Variants in ANKRD6 observed in about 807,000 individuals in gnomAD.
ANKRD6 encodes ankyrin repeat domain 6.
In ANKRD6, 56 loss-of-function variants were observed where a neutral mutation model predicts 82.3. The ratio of observed to expected loss-of-function variants is 0.68; its 90% CI spans 0.55 to 0.85. The LOEUF is 0.85. Ranked by LOEUF, ANKRD6 falls within the 40% of genes least tolerant of loss-of-function variation. ANKRD6 has a pLI of 0.00. For synonymous variants in ANKRD6, 347 were observed against 352.1 expected, an observed-to-expected ratio of 0.99 and a Z score of 0.16; for missense variants, 852 against 907.6, an observed-to-expected ratio of 0.94 and a Z score of 0.79.
At chr6:89,447,417 C>T (rs1054284286) in intron 1 of ANKRD6, among the ~76,000 whole-genome samples, 1 of 152,186 alleles carries the variant, frequency 6.6e-6, no homozygotes, top group Admixed American at 6.5e-5. Flanking sequence ...AAGGCTCTGA[C>T]TCTATCAATT....
intron 1 of ANKRD6, among the ~76,000 whole-genome samples, chr6:89,557,545 T>C (rs1379553041): frequency 6.6e-6 from 1 of 152,152 alleles, no homozygotes; most frequent in African/African-American, 2.4e-5. Flanking sequence ...AAAGTTACTA[T>C]TGCATTTGGC....
intron 2 of ANKRD6, among the ~76,000 whole-genome samples, chr6:89,576,043 G>C (rs1273304189): frequency 1.3e-5 from 2 of 151,980 alleles, no homozygotes; most frequent in East Asian, 3.9e-4. Flanking sequence ...TTTTCCATTT[G>C]CACAACTTTC....
chr6:89,545,897 C>T lies in ANKRD6; in HGVS notation c.-143-20937C>T, dbSNP rs189561517. 7.7e-4 allele frequency among the ~76,000 whole-genome samples: 117 copies of T among 152,240 alleles called. 1 individual carries two copies. Among genetic ancestry groups the T allele is most frequent in the Admixed American group, 2.0e-3 (30 of 15,292 alleles). On this transcript the variant is annotated intron_variant, in intron 1 of 15. Coordinates refer to ENST00000339746, the MANE Select transcript of ANKRD6 (RefSeq NM_001242809.2). ...TTGGCTCACTGCAAGCTCTTCCTCT[C>T]GGGTTCACATCATTCTCCTGCCTCA...
chr6:89,561,031 G>A (rs1452445548), intron 1 of ANKRD6: 1 of 152,158 alleles, frequency 6.6e-6, no homozygotes, highest in African/African-American at 2.4e-5. Flanking sequence ...CAGTCAATAA[G>A]TTATTGTCCT....
intron 5 of ANKRD6, among the ~76,000 whole-genome samples, chr6:89,609,925 G>A (rs148196012): frequency 2.2e-3 from 334 of 152,202 alleles, no homozygotes; most frequent in African/African-American, 7.7e-3. Flanking sequence ...TTGTTTCTGT[G>A]TAAATAAAAT....
At chr6:89,539,935 A>G (rs186967964) in intron 1 of ANKRD6, among the ~76,000 whole-genome samples, 1 of 151,238 alleles carries the variant, frequency 6.6e-6, no homozygotes, top group East Asian at 1.9e-4. Flanking sequence ...TATTTTACTT[A>G]ACATGATGAT....
intron 1 of ANKRD6, among the ~76,000 whole-genome samples, chr6:89,480,116 G>T (rs1562597647): frequency 6.6e-6 from 1 of 152,228 alleles, no homozygotes; most frequent in East Asian, 1.9e-4. Flanking sequence ...TTCTGTGCTG[G>T]TTTCTCACCA....
At chr6:89,614,215 T>C (rs1445672426) in intron 7 of ANKRD6, among the ~76,000 whole-genome samples, 1 of 152,194 alleles carries the variant, frequency 6.6e-6, no homozygotes, top group Non-Finnish European at 1.5e-5. Context: ...TGTGATTTAG[T>C]AAAGAAGCAA....
intron 1 of ANKRD6, among the ~76,000 whole-genome samples, chr6:89,555,192 C>T (rs1405256730): frequency 6.7e-6 from 1 of 150,156 alleles, no homozygotes; most frequent in Non-Finnish European, 1.5e-5. Context: ...CCCGCTTGTC[C>T]TCTAAGTCTA....
intron 8 of ANKRD6, among the ~76,000 whole-genome samples, chr6:89,617,612 C>G (rs1477060346): frequency 6.6e-6 from 1 of 152,236 alleles, no homozygotes; most frequent in Non-Finnish European, 1.5e-5. Context: ...TGGATGCTGT[C>G]TGAGTGCTAC....
chr6:89,504,415 G>A (rs1025348463), intron 1 of ANKRD6, among the ~76,000 whole-genome samples: 3 of 150,748 alleles, frequency 2.0e-5, no homozygotes, highest in African/African-American at 4.8e-5. Context: ...TCGCGCTCTC[G>A]CTCTTTTAGA....
chr6:89,528,941 G>A (rs1356239263), intron 1 of ANKRD6, among the ~76,000 whole-genome samples: 1 of 152,220 alleles, frequency 6.6e-6, no homozygotes, highest in Non-Finnish European at 1.5e-5. Context: ...AAGCCATGAT[G>A]TAAACAGATG....
At chr6:89,435,665 G>C (rs1158584023) in intron 1 of ANKRD6, among the ~76,000 whole-genome samples, 1 of 152,204 alleles carries the variant, frequency 6.6e-6, no homozygotes, top group Non-Finnish European at 1.5e-5. Context: ...GTGTAGGGGA[G>C]ACCCAGTCTC....
At chr6:89,554,001 G>A (rs1288494917) in intron 1 of ANKRD6, among the ~76,000 whole-genome samples, 2 of 152,158 alleles carry the variant, frequency 1.3e-5, no homozygotes, top group African/African-American at 2.4e-5. Context: ...CTGGTTCTTG[G>A]CCCTAAAGAT....
At chr6:89,449,312 A>C (rs1342597513) in intron 1 of ANKRD6, among the ~76,000 whole-genome samples, 1 of 152,226 alleles carries the variant, frequency 6.6e-6, no homozygotes, top group Non-Finnish European at 1.5e-5. Flanking sequence ...AGAGAACTAC[A>C]GTTAGAAGTG....
intron 5 of ANKRD6, among the ~76,000 whole-genome samples, chr6:89,608,354 T>TACACACACACACACACACACACAC (rs540574068): frequency 2.9e-5 from 4 of 137,378 alleles, no homozygotes; most frequent in African/African-American, 8.6e-5. Context: ...CCCTCCCTAA[T>TACACACACACACACACACACACAC]ACACACACAC....
At chr6:89,600,655 T>C (rs1190710226) in intron 3 of ANKRD6, among the ~76,000 whole-genome samples, 1 of 152,154 alleles carries the variant, frequency 6.6e-6, no homozygotes, top group Non-Finnish European at 1.5e-5. Flanking sequence ...GTAATCATCA[T>C]TGCACTGGAG....
chr6:89,606,040 C>A lies in ANKRD6; in HGVS notation c.352C>A (p.His118Asn). 6.3e-7 allele frequency: 1 copy of A among 1,597,228 alleles called. No individual in the cohort carries two copies. Residue 118 changes from histidine (H) to asparagine (N), a missense_variant, in exon 5 of 16, where the codon CAT (histidine) becomes AAT (asparagine). Physicochemically the swap from His to Asn is moderately conservative, Grantham distance 68. Coordinates refer to ENST00000339746, the MANE Select transcript of ANKRD6 (RefSeq NM_001242809.2). Reference sequence around the variant, plus strand: ...TACAGCCTTGCATGAAGCATCCTGGCATGGTTTCAGCCAGTCAGCCAAGCT... The same window carrying A: ...TACAGCCTTGCATGAAGCATCCTGGAATGGTTTCAGCCAGTCAGCCAAGCT... ...GNTALHEASW[H>N]GFSQSAKLLI... is the part of the protein sequence containing the mutation.
intron 1 of ANKRD6, among the ~76,000 whole-genome samples, chr6:89,459,174 G>A (rs573417437): frequency 6.6e-6 from 1 of 152,274 alleles, no homozygotes; most frequent in South Asian, 2.1e-4. Context: ...CGTCTCCTGG[G>A]TTCAAACGAT....
Sources: gnomAD v4.1 joint callset for allele counts (sites outside exome capture counted in the v4.1 genomes callset) on GRCh38, gnomAD v4.1.1 for gene constraint, MANE v1.5 for transcripts, NCBI Gene and HGNC (gene_info 2026-07-23, HGNC 2026-07-21) for gene names.